Variants in RAPGEF6 observed in about 807,000 individuals in gnomAD.
RAPGEF6 encodes the protein Rap guanine nucleotide exchange factor 6, also known as PDZ domain containing guanine nucleotide exchange factor (GEF) 2.
RAPGEF6 carries 56 observed loss-of-function variants against 171.4 expected under a neutral mutation model. The observed-to-expected ratio is 0.33, with a 90% CI of 0.26 to 0.41. The LOEUF (loss-of-function observed/expected upper bound fraction) is 0.41. Among genes scored for constraint, RAPGEF6 ranks in the 10% least tolerant of loss-of-function variants. RAPGEF6 has a pLI of 1.00. For missense variants in RAPGEF6, 1,674 were observed against 1,921.4 expected (o/e 0.87, Z 2.41); for synonymous variants, 692 against 650.1 (o/e 1.06, Z -0.98).
chr5:131,499,555 G>T (rs7727928), intron 11 of RAPGEF6, among the ~76,000 whole-genome samples: 110,487 of 144,518 alleles, frequency 0.76, 42,521 homozygotes, highest in Middle Eastern at 0.81. Flanking sequence ...CACTCCAGCT[G>T]GGGCGACAAG....
chr5:131,453,293 A>G (rs1365907537), intron 20 of RAPGEF6, 116 bp from the exon 21 acceptor site: 2 of 1,438,166 alleles, frequency 1.4e-6, no homozygotes, highest in Non-Finnish European at 1.8e-6. Flanking sequence ...TCACAGTGCC[A>G]ATTTTGCTTT....
intron 26 of RAPGEF6, 181 bp downstream of exon 26, chr5:131,430,676 TAG>T: frequency 1.2e-6 from 1 of 836,118 alleles, no homozygotes. Context: ...TGGGGTTGAA[TAG>T]CTGCTCCAAA....
At chr5:131,577,041 T>A (rs942221195) in intron 4 of RAPGEF6, among the ~76,000 whole-genome samples, 13 of 152,152 alleles carry the variant, frequency 8.5e-5, no homozygotes, top group Admixed American at 8.5e-4. Context: ...ATGCCCCGAC[T>A]CAAAAAACTA....
intron 6 of RAPGEF6, among the ~76,000 whole-genome samples, chr5:131,546,686 T>C (rs4706023): frequency 0.64 from 97,804 of 152,026 alleles, 33,026 homozygotes; most frequent in Non-Finnish European, 0.77. Context: ...TTATAGCATA[T>C]TATTATAATG....
chr5:131,559,639 A>C (rs1008252068), intron 5 of RAPGEF6, among the ~76,000 whole-genome samples: 1 of 149,502 alleles, frequency 6.7e-6, no homozygotes, highest in Admixed American at 6.8e-5. Context: ...CCTGTGAAAC[A>C]TAGCAAGGCT....
At chr5:131,622,914 A>G (rs1429400896) in intron 1 of RAPGEF6, among the ~76,000 whole-genome samples, 3 of 152,342 alleles carry the variant, frequency 2.0e-5, no homozygotes, top group East Asian at 3.9e-4. Context: ...TCTCTCGCCA[A>G]TTCAGAAAAA....
At chr5:131,471,165 C>T (rs1230163292) in intron 17 of RAPGEF6, among the ~76,000 whole-genome samples, 5 of 152,124 alleles carry the variant, frequency 3.3e-5, no homozygotes, top group Non-Finnish European at 5.9e-5. Flanking sequence ...AATGACATTT[C>T]ACTAATATAA....
chr5:131,472,667 G>A lies in RAPGEF6; in HGVS notation c.2159C>T (p.Pro720Leu), dbSNP rs1408847548. 4 of 1,613,192 alleles carry A rather than the reference G, an allele frequency of 2.5e-6. No individual in the cohort carries two copies. The highest frequency in any genetic ancestry group is 3.4e-6 in the Non-Finnish European group (4 of 1,179,256). Reference sequence around the variant, plus strand: ...GCTGGATGAGAGTGTTCCAGGGATGGGCATTATAGCCAGACTATGCCTACA... The same window carrying A: ...GCTGGATGAGAGTGTTCCAGGGATGAGCATTATAGCCAGACTATGCCTACA... Reference protein sequence around the residue: ...RHCRHSLAIMPIPGTLSSSSP... With the variant: ...RHCRHSLAIMLIPGTLSSSSP... Residue 720 changes from proline (P) to leucine (L), a missense_variant, in exon 17 of 28, where the codon CCC (proline) becomes CTC (leucine). Pro to Leu is a moderately conservative substitution (Grantham distance 98). Around this residue, in one of 3 missense-constraint regions of RAPGEF6, gnomAD observed 1,116 missense variants for 1,321.5 expected, o/e 0.84. Transcript: ENST00000509018.
chr5:131,635,143 C>T lies in RAPGEF6; in HGVS notation c.-113G>A. 8.9e-7 allele frequency: 1 copy of T among 1,121,840 alleles called. No homozygotes were observed. The highest frequency in any genetic ancestry group is 1.2e-6 in the Non-Finnish European group (1 of 810,492). The allele number at this position is 1,121,840 out of a possible 1,614,324, so 69.5% of individuals were successfully genotyped here. A position where few individuals can be genotyped will look rare whatever the true frequency, so the allele number is the denominator to read the frequency against. ...CCGCCCCAAGGAGGGAACTTCGCGC[C>T]GTAACAAGGTCCGAACTCTAGCAAA... is the stretch of plus-strand genomic sequence containing the variant. On this transcript the variant is annotated 5_prime_UTR_variant, in exon 1 of 28. Transcript: ENST00000509018.
At chr5:131,634,910 A>T in intron 1 of RAPGEF6, 52 bp downstream of exon 1, 1 of 1,598,866 alleles carries the variant, frequency 6.3e-7, no homozygotes, top group Non-Finnish European at 8.6e-7. Flanking sequence ...GACAGACAGG[A>T]GGATGCTGTC....
At chr5:131,623,477 C>CATTTTTTTTTTTTTTT (rs1554088737) in intron 1 of RAPGEF6, among the ~76,000 whole-genome samples, 1 of 114,184 alleles carries the variant, frequency 8.8e-6, no homozygotes, top group Non-Finnish European at 1.8e-5. Flanking sequence ...TTTCACATTG[C>CATTTTTTTTTTTTTTT]TTTTTTTTTT....
In RAPGEF6 at chr5:131,464,228, T is replaced by C. The variant is rs146061379; in HGVS notation, c.2293A>G (p.Ile765Val). Reference sequence around the variant, plus strand: ...GCTGTGGTGTCTTTACTGATGATAATGTAGCAACTTTGCTGATCCACTTTG... The same window carrying C: ...GCTGTGGTGTCTTTACTGATGATAACGTAGCAACTTTGCTGATCCACTTTG... The part of the protein sequence containing the change: ...VFKVDQQSCY[I>V]IISKDTTAKE... Residue 765 changes from isoleucine to valine, a missense_variant, in exon 18 of 28, where the codon ATT becomes GTT. Around this residue, in one of 3 missense-constraint regions of RAPGEF6, gnomAD observed 1,116 missense variants for 1,321.5 expected, o/e 0.84. Transcript: ENST00000509018. The C allele has an allele frequency of 1.0e-4, 169 of 1,613,714 alleles. No homozygotes were observed. In the African/African-American group the frequency reaches 2.0e-3, roughly 19 times the overall value.
chr5:131,575,334 C>T (rs934823757), intron 4 of RAPGEF6, among the ~76,000 whole-genome samples: 2 of 152,186 alleles, frequency 1.3e-5, no homozygotes, highest in Non-Finnish European at 2.9e-5. Flanking sequence ...CGACCTTCTC[C>T]TCTGCAGCCC....
chr5:131,495,385 T>C (rs1228436292), intron 13 of RAPGEF6, among the ~76,000 whole-genome samples, 168 bp downstream of exon 13: 1 of 151,960 alleles, frequency 6.6e-6, no homozygotes, highest in Non-Finnish European at 1.5e-5. Flanking sequence ...GTTGTTTTAA[T>C]TGAGGTGGCA....
At chr5:131,474,821 C>CA (rs113757515) in intron 16 of RAPGEF6, among the ~76,000 whole-genome samples, 187 of 152,080 alleles carry the variant, frequency 1.2e-3, no homozygotes, top group African/African-American at 4.0e-3. Context: ...CTTTTGAAAA[C>CA]AAACACATCA....
At chr5:131,565,463 A>G (rs577160852) in intron 4 of RAPGEF6, among the ~76,000 whole-genome samples, 2 of 152,314 alleles carry the variant, frequency 1.3e-5, no homozygotes, top group East Asian at 3.9e-4. Flanking sequence ...CACAATAAAA[A>G]TCCCAGAAAG....
At chr5:131,493,256 G>C (rs1756414383) in intron 13 of RAPGEF6, among the ~76,000 whole-genome samples, 1 of 152,078 alleles carries the variant, frequency 6.6e-6, no homozygotes, top group African/African-American at 2.4e-5. Flanking sequence ...GGTAGAGACA[G>C]GGTTTCACCA....
chr5:131,522,350 T>C (rs1758553209), intron 6 of RAPGEF6, among the ~76,000 whole-genome samples: 1 of 152,156 alleles, frequency 6.6e-6, no homozygotes, highest in Non-Finnish European at 1.5e-5. Flanking sequence ...GCATAAGAAG[T>C]ATGCTAATTT....
At chr5:131,431,747 C>T (rs576214731) in intron 25 of RAPGEF6, among the ~76,000 whole-genome samples, 12 of 152,134 alleles carry the variant, frequency 7.9e-5, no homozygotes, top group African/African-American at 2.7e-4. Flanking sequence ...GCCTCAGCCT[C>T]CCCAGCAGCT....
Sources: allele counts gnomAD v4.1 joint callset (sites outside exome capture counted in the v4.1 genomes callset), GRCh38; gene constraint gnomAD v4.1.1; regional missense constraint gnomAD v4.1.1; transcripts MANE v1.5; gene names NCBI Gene and HGNC (gene_info 2026-07-23, HGNC 2026-07-21).